Variants in SLC24A2 observed in about 807,000 individuals in gnomAD.
The protein encoded by SLC24A2 is sodium/potassium/calcium exchanger 2.
A neutral mutation model predicts 62.0 loss-of-function variants in SLC24A2; 36 were observed. The ratio of observed to expected loss-of-function variants is 0.58; its 90% CI spans 0.44 to 0.77. The LOEUF (loss-of-function observed/expected upper bound fraction) is 0.77. Among genes scored for constraint, SLC24A2 ranks in the 30% least tolerant of loss-of-function variants. The pLI, the probability that SLC24A2 is intolerant of heterozygous loss-of-function variation, is 0.00. For synonymous variants in SLC24A2, 358 were observed against 294.0 expected (o/e 1.22, Z -2.23); for missense variants, 846 against 817.9 (o/e 1.03, Z -0.42).
rs369551774 is a variant in SLC24A2 at position 19,516,219 on chromosome 9, G to A, written c.1920C>T (p.Tyr640=). ...KILGFIMFGL[Y]FVFLVVSVLL... ...GAACGCTCACCACCAGGAACACAAA[G>A]TAGAGGCCAAACATGATGAAGCCCA... Residue 640 remains tyrosine, a synonymous_variant, in exon 11 of 11, where the codon TAC becomes TAT. Coordinates refer to ENST00000341998, the MANE Select transcript of SLC24A2 (RefSeq NM_020344.4). 38 of 1,614,100 alleles carry A rather than the reference G, an allele frequency of 2.4e-5. No homozygotes were observed. Among genetic ancestry groups the A allele is most frequent in the Non-Finnish European group, 3.1e-5 (37 of 1,180,040 alleles).
chr9:19,880,236 C>G, the SLC24A2 span, among the ~76,000 whole-genome samples: 89,934 of 151,934 alleles, frequency 0.59, 27,102 homozygotes, highest in Non-Finnish European at 0.66. Context: ...GCATTCCAAT[C>G]CTTCCAAGAG....
the SLC24A2 span, among the ~76,000 whole-genome samples, chr9:20,222,791 C>G: frequency 6.6e-6 from 1 of 151,940 alleles, no homozygotes; most frequent in African/African-American, 2.4e-5. Context: ...TTTAAAAAAT[C>G]GCTGCCAACT....
Position 19,516,179 on chromosome 9 carries a change from TTC to T in SLC24A2, c.1958_1959del (p.Arg653AsnfsTer35). 1 of 1,614,114 alleles carries T rather than the reference TTC, an allele frequency of 6.2e-7. No individual in the cohort carries two copies. Among genetic ancestry groups the T allele is most frequent in the Non-Finnish European group, 8.5e-7 (1 of 1,180,010 alleles). ...FLVVSVLLED[R>X]ILTCPVSI is the part of the protein sequence containing the mutation. ...TAGATGGAGACGGGGCATGTAAGAA[TTC>T]TGTCTTCTAGGAGAACGCTCACCAC... On this transcript the variant is annotated frameshift_variant, in exon 11 of 11. Transcript: ENST00000341998. LOFTEE classifies it high-confidence loss of function.
chr9:19,545,557 G>T (rs1316942743), intron 8 of SLC24A2, among the ~76,000 whole-genome samples: 1 of 152,056 alleles, frequency 6.6e-6, no homozygotes, highest in African/African-American at 2.4e-5. Flanking sequence ...CCATCTTAGT[G>T]AATTTATCTA....
intron 2 of SLC24A2, among the ~76,000 whole-genome samples, chr9:19,651,563 C>A (rs1045540613): frequency 8.2e-6 from 1 of 121,602 alleles, no homozygotes; most frequent in Non-Finnish European, 1.8e-5. Context: ...CGCCCACCAT[C>A]ATCAATTTCT....
the SLC24A2 span, among the ~76,000 whole-genome samples, chr9:20,101,016 T>C: frequency 2.6e-5 from 4 of 152,192 alleles, no homozygotes; most frequent in Admixed American, 2.6e-4. Context: ...TATGGTCTCA[T>C]TTCCAGAATT....
chr9:20,019,130 A>T, the SLC24A2 span, among the ~76,000 whole-genome samples: 7 of 132,018 alleles, frequency 5.3e-5, 1 homozygote, highest in Admixed American at 7.7e-5. Context: ...AGAAAGAAAG[A>T]AAGAAAGAAA....
At chr9:20,199,811 C>T in the SLC24A2 span, among the ~76,000 whole-genome samples, 1 of 151,354 alleles carries the variant, frequency 6.6e-6, no homozygotes, top group African/African-American at 2.4e-5. Context: ...CTCTGCCTCC[C>T]AGGTTCAAGT....
chr9:19,828,164 G>T, the SLC24A2 span, among the ~76,000 whole-genome samples: 18 of 152,108 alleles, frequency 1.2e-4, 1 homozygote, highest in East Asian at 3.5e-3. Flanking sequence ...ACTAAATATG[G>T]ATACAAAAAT....
the SLC24A2 span, among the ~76,000 whole-genome samples, chr9:19,824,462 A>G: frequency 6.6e-6 from 1 of 152,262 alleles, no homozygotes; most frequent in African/African-American, 2.4e-5. Context: ...AATCAAAACC[A>G]CAATGAGATA....
At chr9:20,161,473 C>A in the SLC24A2 span, among the ~76,000 whole-genome samples, 1 of 151,188 alleles carries the variant, frequency 6.6e-6, no homozygotes, top group African/African-American at 2.4e-5. Flanking sequence ...GATGAAAAAT[C>A]CTAAATAACA....
intron 8 of SLC24A2, among the ~76,000 whole-genome samples, chr9:19,545,998 C>A (rs575970039): frequency 6.6e-6 from 1 of 152,218 alleles, no homozygotes; most frequent in East Asian, 1.9e-4. Flanking sequence ...GAGGTCCACT[C>A]CAGACCCTGT....
intron 2 of SLC24A2, among the ~76,000 whole-genome samples, chr9:19,722,762 C>T (rs1327401): frequency 0.016 from 2,464 of 151,870 alleles, 42 homozygotes; most frequent in East Asian, 0.092. Context: ...TATGACAAAA[C>T]AAAAAAGAAG....
chr9:20,048,028 A>G, the SLC24A2 span, among the ~76,000 whole-genome samples: 1 of 152,178 alleles, frequency 6.6e-6, no homozygotes, highest in African/African-American at 2.4e-5. Context: ...CACATATCCT[A>G]TCCTATCTTG....
At chr9:20,036,449 C>A in the SLC24A2 span, among the ~76,000 whole-genome samples, 1 of 152,148 alleles carries the variant, frequency 6.6e-6, no homozygotes, top group East Asian at 1.9e-4. Context: ...TTCCTCCCGT[C>A]TAATTGAAGC....
intron 8 of SLC24A2, among the ~76,000 whole-genome samples, chr9:19,546,677 T>C (rs7875209): frequency 0.091 from 13,846 of 151,934 alleles, 2,042 homozygotes; most frequent in African/African-American, 0.31. Context: ...CTTCGGCCCC[T>C]TTTCCAGGGA....
the SLC24A2 span, among the ~76,000 whole-genome samples, chr9:20,073,081 A>G: frequency 1.3e-5 from 2 of 152,184 alleles, no homozygotes; most frequent in African/African-American, 4.8e-5. Flanking sequence ...TGAAAACAAT[A>G]CATATGTATT....
At chr9:19,779,027 A>T (rs978230067) in intron 2 of SLC24A2, among the ~76,000 whole-genome samples, 2 of 152,224 alleles carry the variant, frequency 1.3e-5, no homozygotes, top group Non-Finnish European at 2.9e-5. Flanking sequence ...AAGTCAATAG[A>T]TGCGCTTTAG....
At chr9:19,904,126 G>A in the SLC24A2 span, among the ~76,000 whole-genome samples, 1 of 152,168 alleles carries the variant, frequency 6.6e-6, no homozygotes, top group East Asian at 1.9e-4. Flanking sequence ...CTTGAAGTAT[G>A]TGCAAGGACC....
Sources: allele counts gnomAD v4.1 joint callset (sites outside exome capture counted in the v4.1 genomes callset), GRCh38; gene constraint gnomAD v4.1.1; transcripts MANE v1.5; gene names NCBI Gene and HGNC (gene_info 2026-07-23, HGNC 2026-07-21).